Variants in PRELID2 observed in about 807,000 individuals in gnomAD.
PRELID2 encodes PRELI domain-containing protein 2.
A neutral mutation model predicts 28.4 loss-of-function variants in PRELID2; 25 were observed. That is an observed-to-expected ratio of 0.88 (90% CI 0.64 to 1.23). The LOEUF (loss-of-function observed/expected upper bound fraction) is 1.23, where lower values mean the gene tolerates loss of function less well. PRELID2 is among the 50% of genes most tolerant of loss of function. PRELID2 has a pLI of 0.00. For missense variants in PRELID2, 201 were observed against 214.4 expected, an observed-to-expected ratio of 0.94 and a Z score of 0.39; for synonymous variants, 76 against 71.6, an observed-to-expected ratio of 1.06 and a Z score of -0.31.
chr5:145,403,704 G>A, the PRELID2 span, among the ~76,000 whole-genome samples: 1 of 152,178 alleles, frequency 6.6e-6, no homozygotes, highest in African/African-American at 2.4e-5. Context: ...TACGACATGG[G>A]TGTTATTATC....
At chr5:145,476,238 T>C (rs1254294619) in intron 1 of PRELID2, among the ~76,000 whole-genome samples, 3 of 152,252 alleles carry the variant, frequency 2.0e-5, no homozygotes, top group Non-Finnish European at 4.4e-5. Context: ...CCATTTATTC[T>C]AGTCACAATT....
At chr5:145,339,462 T>C in the PRELID2 span, among the ~76,000 whole-genome samples, 3 of 152,144 alleles carry the variant, frequency 2.0e-5, no homozygotes, top group Non-Finnish European at 2.9e-5. Context: ...GACTAACATA[T>C]GAAGCTGCCT....
chr5:145,444,860 C>G, the PRELID2 span, among the ~76,000 whole-genome samples: 3 of 152,040 alleles, frequency 2.0e-5, no homozygotes, highest in East Asian at 5.8e-4. Context: ...AAAGAATCTA[C>G]TTTCGGGAAG....
At chr5:145,794,694 C>A (rs1752619315) in intron 5 of PRELID2, among the ~76,000 whole-genome samples, 1 of 152,030 alleles carries the variant, frequency 6.6e-6, no homozygotes, top group Non-Finnish European at 1.5e-5. Context: ...CAAGTCATTT[C>A]TCATTAATGA....
the PRELID2 span, among the ~76,000 whole-genome samples, chr5:145,353,438 G>GGGT: frequency 6.6e-6 from 1 of 151,804 alleles, no homozygotes; most frequent in African/African-American, 2.4e-5. Flanking sequence ...ACTACAGCTT[G>GGGT]GGTGACATAG....
At chr5:145,540,320 C>A (rs895368331) in intron 1 of PRELID2, among the ~76,000 whole-genome samples, 5 of 151,846 alleles carry the variant, frequency 3.3e-5, no homozygotes, top group Non-Finnish European at 5.9e-5. Context: ...GACTGATAAG[C>A]CTTATAAACA....
At chr5:145,447,075 A>G in the PRELID2 span, among the ~76,000 whole-genome samples, 5 of 150,952 alleles carry the variant, frequency 3.3e-5, no homozygotes, top group South Asian at 1.0e-3. Flanking sequence ...ATAAATAAAT[A>G]AATAAATAAA....
chr5:145,485,998 C>T (rs1432745658), intron 1 of PRELID2, among the ~76,000 whole-genome samples: 1 of 152,162 alleles, frequency 6.6e-6, no homozygotes, highest in Non-Finnish European at 1.5e-5. Context: ...AACTTTCATA[C>T]GTACACCTAT....
intron 1 of PRELID2, among the ~76,000 whole-genome samples, chr5:145,709,426 G>A (rs1755630955): frequency 6.6e-6 from 1 of 152,266 alleles, no homozygotes; most frequent in East Asian, 1.9e-4. Context: ...GCAGGAGCAG[G>A]GGGAGCTTCC....
chr5:145,577,029 C>T lies in PRELID2; in HGVS notation n.71-103714G>A, dbSNP rs938084454. ...GAATTTAAGGCACTTCCCAGCACCACAACAGACACAGTGGTTCCAGGCTTA... is the reference window on the plus strand; with the variant it reads ...GAATTTAAGGCACTTCCCAGCACCATAACAGACACAGTGGTTCCAGGCTTA... On this transcript the variant is annotated intron_variant and non_coding_transcript_variant, in intron 1 of 2. Transcript: ENST00000510259. Among the ~76,000 whole-genome samples the T allele has an allele frequency of 2.0e-5, 3 of 152,268 alleles. No individual in the cohort carries two copies. In the South Asian group the frequency reaches 6.2e-4, roughly 32 times the overall value.
the PRELID2 span, among the ~76,000 whole-genome samples, chr5:145,361,654 A>T: frequency 6.6e-6 from 1 of 152,136 alleles, no homozygotes; most frequent in East Asian, 1.9e-4. Flanking sequence ...CCCAACTCCT[A>T]CCTCAACAAG....
chr5:145,812,691 C>G (rs1032852422), intron 4 of PRELID2, among the ~76,000 whole-genome samples: 18 of 152,258 alleles, frequency 1.2e-4, no homozygotes, highest in Admixed American at 4.6e-4. Context: ...CTAACTGATA[C>G]AGGAGGAGGG....
chr5:145,752,551 C>G (rs983975809), downstream of PRELID2, among the ~76,000 whole-genome samples: 8 of 152,268 alleles, frequency 5.3e-5, no homozygotes, highest in Admixed American at 6.5e-5. Context: ...GAATTGAACA[C>G]TATAGACCTC....
chr5:145,656,485 A>C (rs1035623819), intron 1 of PRELID2, among the ~76,000 whole-genome samples: 2 of 152,140 alleles, frequency 1.3e-5, no homozygotes, highest in Non-Finnish European at 2.9e-5. Flanking sequence ...CACAGTAGCA[A>C]AGACTTGGAA....
At chr5:145,600,766 G>C (rs1753384824) in intron 1 of PRELID2, among the ~76,000 whole-genome samples, 1 of 151,968 alleles carries the variant, frequency 6.6e-6, no homozygotes, top group African/African-American at 2.4e-5. Context: ...ATAAAAAATA[G>C]ACCAATAAGG....
At chr5:145,283,120 T>C in the PRELID2 span, among the ~76,000 whole-genome samples, 1 of 152,140 alleles carries the variant, frequency 6.6e-6, no homozygotes, top group East Asian at 1.9e-4. Flanking sequence ...AGAATCAGCA[T>C]TAAGGGGCTG....
At chr5:145,447,379 G>A in the PRELID2 span, among the ~76,000 whole-genome samples, 1 of 151,510 alleles carries the variant, frequency 6.6e-6, no homozygotes. Flanking sequence ...TGAATAAAGA[G>A]AGAAACTGAT....
Position 145,821,152 on chromosome 5 carries a change from G to GGTGT in PRELID2, c.134-1138_134-1135dup, listed in dbSNP as rs70998038. Among the ~76,000 whole-genome samples the GGTGT allele has an allele frequency of 9.5e-4, 84 of 88,260 alleles. 8 individuals carry two copies. Among genetic ancestry groups the GGTGT allele is most frequent in the Middle Eastern group, 6.9e-3 (1 of 144 alleles). The allele number at this position is 88,260 out of a possible 152,430, so 57.9% of individuals were successfully genotyped here. ...ACCTGATGGTCATCCAACTCTCCTG[G>GGTGT]GTGTGTGTGTGTGTGTGTGTGTGTG... On this transcript the variant is annotated intron_variant, in intron 2 of 6. Transcript: ENST00000683046.
the PRELID2 span, among the ~76,000 whole-genome samples, chr5:145,413,611 TACACACACACACAC>T: frequency 6.6e-4 from 92 of 140,170 alleles, no homozygotes; most frequent in Middle Eastern, 0.011. Flanking sequence ...ATGAAGAAAA[TACACACACACACAC>T]ACACACACAC....
Sources: gnomAD v4.1 joint callset for allele counts (sites outside exome capture counted in the v4.1 genomes callset) on GRCh38, gnomAD v4.1.1 for gene constraint, MANE v1.5 for transcripts, NCBI Gene and HGNC (gene_info 2026-07-23, HGNC 2026-07-21) for gene names.